NSMCE2: variants seen among roughly 807,000 people sequenced by gnomAD.
NSMCE2 encodes NSE2 SUMO ligase component of SMC5/6 complex, also known as E3 SUMO-protein ligase NSE2.
Under a neutral mutation model 23.8 loss-of-function variants are expected in NSMCE2, and 24 were observed. The observed-to-expected ratio is 1.01, with a 90% CI of 0.73 to 1.42. The LOEUF (loss-of-function observed/expected upper bound fraction) is 1.42, where lower values mean the gene tolerates loss of function less well. NSMCE2 is among the 40% of genes most tolerant of loss of function. The probability of loss-of-function intolerance (pLI) is 0.00; values close to 1 mark genes in which losing one functional copy is unlikely to be tolerated. For missense variants in NSMCE2, 284 were observed against 296.5 expected (o/e 0.96, Z 0.31); for synonymous variants, 92 against 94.1 (o/e 0.98, Z 0.13).
intron 5 of NSMCE2, among the ~76,000 whole-genome samples, chr8:125,219,831 G>A (rs1824770062): frequency 6.6e-6 from 1 of 152,210 alleles, no homozygotes; most frequent in African/African-American, 2.4e-5. Context: ...GAACCTGGTA[G>A]TACTGTCAAT....
intron 5 of NSMCE2, among the ~76,000 whole-genome samples, chr8:125,313,905 C>T (rs1829072121): frequency 6.6e-6 from 1 of 152,178 alleles, no homozygotes; most frequent in Admixed American, 6.5e-5. Flanking sequence ...TGGCAGAAAG[C>T]AACTGATGCT....
chr8:125,099,753 G>T (rs1025758985), intron 1 of NSMCE2, among the ~76,000 whole-genome samples: 1 of 152,124 alleles, frequency 6.6e-6, no homozygotes, highest in Non-Finnish European at 1.5e-5. Context: ...CAAAGGGAAT[G>T]GAAGGAGAGG....
rs1449165598 is a variant in NSMCE2 at position 125,217,382 on chromosome 8, ATGGAG to A, written c.418+35128_418+35132del. 2.0e-5 allele frequency among the ~76,000 whole-genome samples: 3 copies of A among 151,946 alleles called. No homozygotes were observed. In the East Asian group the frequency reaches 5.8e-4, roughly 29 times the overall value. On this transcript the variant is annotated intron_variant, in intron 5 of 7. Coordinates refer to ENST00000287437, the MANE Select transcript of NSMCE2 (RefSeq NM_173685.4). ...TTATTTTTTATTTATTTATTTTGAG[ATGGAG>A]TCTTGCTGTGTCACCCAGGCTGAAG...
At chr8:125,216,370 TG>T (rs1490593819) in intron 5 of NSMCE2, among the ~76,000 whole-genome samples, 4 of 152,346 alleles carry the variant, frequency 2.6e-5, no homozygotes, top group East Asian at 1.9e-4. Flanking sequence ...CCGGGCGCGA[TG>T]GCTCATGCCT....
At chr8:125,355,264 T>G (rs1813207145) in intron 5 of NSMCE2, among the ~76,000 whole-genome samples, 2 of 152,060 alleles carry the variant, frequency 1.3e-5, no homozygotes, top group African/African-American at 4.8e-5. Flanking sequence ...GGGCTTCCTC[T>G]CACACATTGA....
At chr8:125,335,947 A>G (rs1380184236) in intron 5 of NSMCE2, among the ~76,000 whole-genome samples, 2 of 152,238 alleles carry the variant, frequency 1.3e-5, no homozygotes, top group Non-Finnish European at 2.9e-5. Context: ...ATCTGTGTAT[A>G]TATGACATTG....
chr8:125,225,095 C>G (rs1276042682), intron 5 of NSMCE2, among the ~76,000 whole-genome samples: 3 of 152,148 alleles, frequency 2.0e-5, no homozygotes, highest in African/African-American at 7.2e-5. Context: ...AATAATTTAT[C>G]ACATATTTGG....
intron 4 of NSMCE2, among the ~76,000 whole-genome samples, chr8:125,180,618 T>C (rs533716611): frequency 6.6e-6 from 1 of 152,326 alleles, no homozygotes; most frequent in South Asian, 2.1e-4. Context: ...ATATCAAGAA[T>C]TTTCTGTATC....
chr8:125,305,721 G>A (rs1828728875), intron 5 of NSMCE2, among the ~76,000 whole-genome samples: 1 of 152,174 alleles, frequency 6.6e-6, no homozygotes, highest in Admixed American at 6.5e-5. Context: ...CAGTTTAGGA[G>A]TTTAGAAACG....
intron 3 of NSMCE2, among the ~76,000 whole-genome samples, chr8:125,117,283 A>G (rs895215606): frequency 3.3e-5 from 5 of 151,706 alleles, no homozygotes; most frequent in African/African-American, 1.2e-4. Flanking sequence ...GTGTGGTGGC[A>G]TGATCTCGGC....
chr8:125,282,266 A>G (rs981993569), intron 5 of NSMCE2, among the ~76,000 whole-genome samples: 1 of 152,014 alleles, frequency 6.6e-6, no homozygotes, highest in African/African-American at 2.4e-5. Flanking sequence ...GGCGCATGCC[A>G]CTACACCCAG....
In NSMCE2 at chr8:125,217,908, G is replaced by A. The variant is rs143520867; in HGVS notation, c.418+35652G>A. On this transcript the variant is annotated intron_variant, in intron 5 of 7. Transcript: ENST00000287437. Reference sequence around the variant, plus strand: ...AAAAAAAAAAACCAAAACAAAAACCGTTGTACTAGGATAGAAAATAAAGAG... The same window carrying A: ...AAAAAAAAAAACCAAAACAAAAACCATTGTACTAGGATAGAAAATAAAGAG... Among the ~76,000 whole-genome samples, 551 of 150,868 alleles carry A rather than the reference G, an allele frequency of 3.7e-3. 13 individuals carry two copies. Among genetic ancestry groups the A allele is most frequent in the Admixed American group, 0.033 (494 of 15,186 alleles).
rs1452994061 is a variant in NSMCE2, at chr8:125,143,601, A to G, written c.158-7570A>G. Among the ~76,000 whole-genome samples, 3 of 152,218 alleles carry G rather than the reference A, an allele frequency of 2.0e-5. No homozygotes were observed. In the East Asian group the frequency reaches 5.8e-4, roughly 29 times the overall value. ...TTTACTAATAAAATGCGTGGAGTTGAATTTAATCCACTATATATAATTGGT... is the reference window on the plus strand; with the variant it reads ...TTTACTAATAAAATGCGTGGAGTTGGATTTAATCCACTATATATAATTGGT... On this transcript the variant is annotated intron_variant, in intron 3 of 7. Coordinates refer to ENST00000287437, the MANE Select transcript of NSMCE2 (RefSeq NM_173685.4).
At chr8:125,345,563 AG>A (rs1183640240) in intron 5 of NSMCE2, among the ~76,000 whole-genome samples, 2 of 152,200 alleles carry the variant, frequency 1.3e-5, no homozygotes. Flanking sequence ...ACATTCTGGT[AG>A]GGAAGATAGA....
chr8:125,228,709 AGT>A (rs1825200496), intron 5 of NSMCE2, among the ~76,000 whole-genome samples: 1 of 152,202 alleles, frequency 6.6e-6, no homozygotes, highest in Non-Finnish European at 1.5e-5. Context: ...ATGGTGGTCA[AGT>A]GTAAAGGGGG....
intron 4 of NSMCE2, among the ~76,000 whole-genome samples, chr8:125,153,223 T>C (rs1821136991): frequency 6.6e-6 from 1 of 152,204 alleles, no homozygotes; most frequent in African/African-American, 2.4e-5. Context: ...ACAGGGAAGA[T>C]AGATTTTATC....
At chr8:125,223,873 G>A (rs1045199946) in intron 5 of NSMCE2, among the ~76,000 whole-genome samples, 4 of 146,848 alleles carry the variant, frequency 2.7e-5, no homozygotes, top group Admixed American at 6.9e-5. Context: ...GTATAGTGGC[G>A]CAATCATAGC....
chr8:125,327,742 A>G (rs1197889111), intron 5 of NSMCE2, among the ~76,000 whole-genome samples: 1 of 152,078 alleles, frequency 6.6e-6, no homozygotes, highest in Non-Finnish European at 1.5e-5. Context: ...GAAGTACTCC[A>G]TTTCTCCAAT....
At chr8:125,272,077 T>C (rs1251443038) in intron 5 of NSMCE2, among the ~76,000 whole-genome samples, 2 of 148,066 alleles carry the variant, frequency 1.4e-5, no homozygotes, top group African/African-American at 5.0e-5. Flanking sequence ...GCAATGGCGC[T>C]ATCTCAGCTC....
Sources: gnomAD v4.1 joint callset for allele counts (sites outside exome capture counted in the v4.1 genomes callset) on GRCh38, gnomAD v4.1.1 for gene constraint, MANE v1.5 for transcripts, NCBI Gene and HGNC (gene_info 2026-07-23, HGNC 2026-07-21) for gene names.